PI4KA: variants seen among roughly 807,000 people sequenced by gnomAD.
The protein encoded by PI4KA is phosphatidylinositol 4-kinase alpha.
In PI4KA, 122 loss-of-function variants were observed where a neutral mutation model predicts 271.4. The ratio of observed to expected loss-of-function variants is 0.45; its 90% CI spans 0.39 to 0.52. The LOEUF is 0.52. PI4KA is among the 20% of genes least tolerant of loss of function. PI4KA has a pLI of 0.00. For missense variants in PI4KA, 1,969 were observed against 2,769.1 expected (o/e 0.71, Z 6.48); for synonymous variants, 1,041 against 1,078.8 (o/e 0.96, Z 0.69).
intron 23 of PI4KA, among the ~76,000 whole-genome samples, chr22:20,756,952 T>C (rs1931378304): frequency 6.6e-6 from 1 of 152,170 alleles, no homozygotes; most frequent in Admixed American, 6.5e-5. Flanking sequence ...GATTTTTACT[T>C]TAAAAAGGCC....
At chr22:20,743,451 C>G (rs934159058) in intron 30 of PI4KA, among the ~76,000 whole-genome samples, 1 of 149,156 alleles carries the variant, frequency 6.7e-6, no homozygotes, top group Non-Finnish European at 1.5e-5. Context: ...GCCCTCCTTA[C>G]TATTATTAAT....
chr22:20,759,385 T>C (rs545033461), intron 23 of PI4KA, among the ~76,000 whole-genome samples: 11 of 151,192 alleles, frequency 7.3e-5, no homozygotes, highest in Non-Finnish European at 1.3e-4. Flanking sequence ...CGTTGATTTT[T>C]CTTTTTCTTT....
chr22:20,803,067 A>C (rs1021824297), intron 13 of PI4KA, 124 bp downstream of exon 13: 24 of 999,716 alleles, frequency 2.4e-5, no homozygotes, highest in Middle Eastern at 2.3e-4. Context: ...ACGCAAAGGG[A>C]AAGACAGAAG....
chr22:20,719,326 G>A (rs1265254968), intron 43 of PI4KA, among the ~76,000 whole-genome samples: 3 of 151,668 alleles, frequency 2.0e-5, no homozygotes, highest in African/African-American at 4.8e-5. Context: ...ATCCCAGGCT[G>A]AATTTAAATT....
At chr22:20,805,524 T>C (rs1278031842) in intron 10 of PI4KA, among the ~76,000 whole-genome samples, 2 of 152,250 alleles carry the variant, frequency 1.3e-5, no homozygotes, top group Non-Finnish European at 2.9e-5. Context: ...CTGTGATTTT[T>C]TTTTCTTTTA....
chr22:20,745,902 G>C (rs1173270646), intron 29 of PI4KA, among the ~76,000 whole-genome samples: 2 of 151,908 alleles, frequency 1.3e-5, no homozygotes, highest in Admixed American at 6.6e-5. Flanking sequence ...TGCCCAATGC[G>C]ATCTCGGCTC....
chr22:20,719,559 C>T (rs1926444835), intron 43 of PI4KA, among the ~76,000 whole-genome samples: 1 of 152,052 alleles, frequency 6.6e-6, no homozygotes, highest in Non-Finnish European at 1.5e-5. Context: ...TTTTCACAGA[C>T]CTTTGTTTTT....
intron 42 of PI4KA, 90 bp from the exon 43 acceptor site, chr22:20,721,508 G>T: frequency 7.0e-7 from 1 of 1,429,732 alleles, no homozygotes. Flanking sequence ...GCATTTGGTA[G>T]ACCAGGCAAG....
rs1262468907 is a variant in PI4KA at position 20,858,733 on chromosome 22, C to G, written c.-8G>C. 2 of 1,388,364 alleles carry G rather than the reference C, an allele frequency of 1.4e-6. No individual in the cohort carries two copies. Among genetic ancestry groups the G allele is most frequent in the Admixed American group, 3.0e-5 (1 of 33,424 alleles). 86.0% of individuals were successfully genotyped at this position (1,388,364 alleles called of 1,614,324 possible). ...GGCCGGGGCCGCCGCCATCACCTCA[C>G]GAGCCGCGGCGCTGCCCGCCGGCTC... On this transcript the variant is annotated 5_prime_UTR_variant, in exon 1 of 55. Transcript: ENST00000255882.
intron 22 of PI4KA, among the ~76,000 whole-genome samples, chr22:20,764,077 C>T (rs910672984): frequency 6.6e-6 from 1 of 152,212 alleles, no homozygotes; most frequent in South Asian, 2.1e-4. Flanking sequence ...GACTTATTTG[C>T]ATCCCTCCCG....
chr22:20,843,055 G>A (rs1030513268), intron 1 of PI4KA, among the ~76,000 whole-genome samples: 8 of 137,750 alleles, frequency 5.8e-5, no homozygotes, highest in African/African-American at 1.7e-4. Context: ...CCGAGACTGC[G>A]CCACTGCACT....
intron 43 of PI4KA, 69 bp from the exon 44 acceptor site, chr22:20,718,891 G>A (rs1344619499): frequency 3.9e-6 from 6 of 1,545,912 alleles, no homozygotes; most frequent in Middle Eastern, 4.5e-4. Context: ...TACCAGCCCT[G>A]TTTCCCAGGC....
chr22:20,842,142 T>C (rs964948272), intron 1 of PI4KA, among the ~76,000 whole-genome samples: 1 of 151,966 alleles, frequency 6.6e-6, no homozygotes. Context: ...GCAGGAGAAT[T>C]GCTTGAACCC....
At chr22:20,723,087 C>T (rs1926935784) in intron 42 of PI4KA, among the ~76,000 whole-genome samples, 2 of 150,946 alleles carry the variant, frequency 1.3e-5, no homozygotes, top group Admixed American at 1.3e-4. Flanking sequence ...GGAGTGCAAT[C>T]TCAGCTCACT....
Position 20,808,415 on chromosome 22 carries a change from C to T in PI4KA, c.1072-957G>A, listed in dbSNP as rs1935792123. Among the ~76,000 whole-genome samples the T allele has an allele frequency of 2.7e-5, 4 of 150,674 alleles. No homozygotes were observed. The South Asian group carries it at 8.4e-4, about 32-fold the overall frequency. ...AAGACCAGCCTGTCCAACATGGTGA[C>T]ACCCTGTCTCTTCTAAAAATACAAA... On this transcript the variant is annotated intron_variant, in intron 9 of 54. Coordinates refer to ENST00000255882, the MANE Select transcript of PI4KA (RefSeq NM_058004.4).
rs1201255703 is a variant in PI4KA at position 20,751,695 on chromosome 22, G to A, written c.3048C>T (p.Thr1016=). The part of the protein sequence containing the change: ...VLKTMLDILQ[T]LSLSLSADIH... ...TCACAGCGCTCAGTGACAGTGACAG[G>A]GTCTGCAGGATGTCCAGCATGGTCT... is the stretch of plus-strand genomic sequence containing the variant. Residue 1016 remains threonine, a synonymous_variant, in exon 26 of 55, where the codon ACC becomes ACT. Transcript: ENST00000255882. 3 of 1,613,966 alleles carry A rather than the reference G, an allele frequency of 1.9e-6. No homozygotes were observed. The highest frequency in any genetic ancestry group is 2.2e-5 in the South Asian group (2 of 91,068).
At chr22:20,711,967 T>C (rs1042109039) in intron 50 of PI4KA, among the ~76,000 whole-genome samples, 22 of 152,104 alleles carry the variant, frequency 1.4e-4, no homozygotes, top group African/African-American at 5.1e-4. Context: ...ATGGTCTCGA[T>C]CTCTTGACCT....
rs112521642 is a variant in PI4KA at position 20,813,361 on chromosome 22, G to A, written c.1002C>T (p.Asn334=). The A allele has an allele frequency of 1.9e-4, 303 of 1,612,778 alleles. 1 individual carries two copies. The African/African-American group carries it at 3.6e-3, about 19-fold the overall frequency. ...IPLEMLRELL[N]LVKKIVEEAV... ...CATCCATCAGTTCTTTGCTTACCAGGTTTAAGAGTTCCCGAAGCATTTCCA... is the reference window on the plus strand; with the variant it reads ...CATCCATCAGTTCTTTGCTTACCAGATTTAAGAGTTCCCGAAGCATTTCCA... The change falls in exon 8 of 55, where the codon AAC becomes AAT. Residue 334 remains asparagine, a synonymous_variant. Transcript: ENST00000255882.
chr22:20,742,384 C>T, intron 31 of PI4KA, 29 bp from the exon 32 acceptor site: 1 of 1,608,150 alleles, frequency 6.2e-7, no homozygotes. Flanking sequence ...CAGTCAGAGG[C>T]CTCCAACAAC....
Sources: gnomAD v4.1 joint callset for allele counts (sites outside exome capture counted in the v4.1 genomes callset) on GRCh38, gnomAD v4.1.1 for gene constraint, MANE v1.5 for transcripts, NCBI Gene and HGNC (gene_info 2026-07-23, HGNC 2026-07-21) for gene names.